AFM: variants seen among roughly 807,000 people sequenced by gnomAD.
The protein encoded by AFM is alpha-Alb.
AFM carries 82 observed loss-of-function variants against 68.7 expected under a neutral mutation model. The observed-to-expected ratio is 1.19, with a 90% CI of 1.00 to 1.43. The LOEUF is 1.43. AFM is among the 40% of genes most tolerant of loss of function. The pLI, the probability that AFM is intolerant of heterozygous loss-of-function variation, is 0.00. For synonymous variants in AFM, 250 were observed against 234.2 expected (o/e 1.07, Z -0.61); for missense variants, 772 against 701.8 (o/e 1.10, Z -1.13).
intron 1 of AFM, among the ~76,000 whole-genome samples, chr4:73,483,187 A>G (rs940908013): frequency 6.6e-6 from 1 of 152,120 alleles, no homozygotes; most frequent in African/African-American, 2.4e-5. Context: ...TGCTCAACTC[A>G]TATCTCACTC....
At chr4:73,497,626 G>T (rs1721293258) in intron 9 of AFM, 26 bp from the exon 10 acceptor site, 1 of 1,447,560 alleles carries the variant, frequency 6.9e-7, no homozygotes, top group African/African-American at 1.4e-5. Flanking sequence ...TAAAATGTTT[G>T]TAACCATGAT....
chr4:73,484,236 T>C, intron 2 of AFM, 22 bp from the exon 3 acceptor site: 1 of 1,595,878 alleles, frequency 6.3e-7, no homozygotes, highest in Non-Finnish European at 8.5e-7. Flanking sequence ...GATCTTTGTA[T>C]ACCCCATGTG....
chr4:73,484,470 CT>C, intron 3 of AFM, 80 bp downstream of exon 3: 1 of 551,556 alleles, frequency 1.8e-6, no homozygotes, highest in Non-Finnish European at 3.0e-6. Flanking sequence ...TTCTTTCTTT[CT>C]TTCTTTCTTT....
At chr4:73,484,986 G>T (rs1210924498) in intron 3 of AFM, among the ~76,000 whole-genome samples, 1 of 152,182 alleles carries the variant, frequency 6.6e-6, no homozygotes, top group Non-Finnish European at 1.5e-5. Context: ...CCTTGGAAAA[G>T]ATACTAATTC....
In AFM at chr4:73,488,737, T is replaced by C. The variant is rs143919745; in HGVS notation, c.821T>C (p.Val274Ala). The part of the protein sequence containing the change: ...SNYDGCCEGD[V>A]VQCIRDTSKV... ...TATGATGGATGCTGTGAAGGGGATG[T>C]TGTGCAGTGCATCCGTGACACGGTG... The change falls in exon 7 of 15, where the codon GTT becomes GCT. Residue 274 changes from valine to alanine, a missense_variant. By Grantham distance (64) the Val-to-Ala change is moderately conservative. Coordinates refer to ENST00000226355, the MANE Select transcript of AFM (RefSeq NM_001133.2). 6.2e-7 allele frequency: 1 copy of C among 1,612,764 alleles called. No homozygotes were observed. Among genetic ancestry groups the C allele is most frequent in the Non-Finnish European group, 8.5e-7 (1 of 1,179,432 alleles).
intron 1 of AFM, among the ~76,000 whole-genome samples, chr4:73,483,667 G>T (rs1006192496): frequency 2.0e-5 from 3 of 152,076 alleles, no homozygotes; most frequent in African/African-American, 4.8e-5. Context: ...TCTATCTGGG[G>T]AGCCATCAAT....
chr4:73,494,160 G>A (rs777948549), intron 8 of AFM, among the ~76,000 whole-genome samples: 1 of 151,760 alleles, frequency 6.6e-6, no homozygotes, highest in East Asian at 1.9e-4. Context: ...TTCTCTGAAC[G>A]TTAAGCACTA....
At chr4:73,491,283 C>A (rs377092092) in intron 7 of AFM, among the ~76,000 whole-genome samples, 1 of 152,138 alleles carries the variant, frequency 6.6e-6, no homozygotes, top group African/African-American at 2.4e-5. Context: ...TATTTGCTAA[C>A]CTGAACAGCT....
intron 10 of AFM, among the ~76,000 whole-genome samples, chr4:73,498,437 C>T (rs1199500479): frequency 6.6e-6 from 1 of 152,128 alleles, no homozygotes; most frequent in Non-Finnish European, 1.5e-5. Flanking sequence ...AGACGTGAGC[C>T]ACCATCCCTG....
At chr4:73,487,905 T>C (rs1490392723) in intron 6 of AFM, 84 bp downstream of exon 6, 3 of 950,070 alleles carry the variant, frequency 3.2e-6, no homozygotes, top group Non-Finnish European at 5.0e-6. Flanking sequence ...TAACTTTTTA[T>C]TTATATTCTT....
intron 14 of AFM, 57 bp downstream of exon 14, chr4:73,503,167 T>G: frequency 2.3e-6 from 3 of 1,325,706 alleles, no homozygotes; most frequent in Non-Finnish European, 3.2e-6. Context: ...TCTGATCTCC[T>G]TGCCTTTTCT....
chr4:73,487,897 A>T, intron 6 of AFM, 76 bp downstream of exon 6: 1 of 1,046,002 alleles, frequency 9.6e-7, no homozygotes, highest in South Asian at 1.3e-5. Context: ...ATGGTTGATA[A>T]CTTTTTATTT....
At chr4:73,486,538 T>C (rs983378385) in intron 4 of AFM, among the ~76,000 whole-genome samples, 29 of 152,160 alleles carry the variant, frequency 1.9e-4, no homozygotes, top group African/African-American at 7.0e-4. Flanking sequence ...CAAATTTATC[T>C]GAAAAAAAGT....
chr4:73,496,563 G>T (rs958333614), intron 9 of AFM, among the ~76,000 whole-genome samples: 9 of 152,092 alleles, frequency 5.9e-5, no homozygotes, highest in African/African-American at 2.2e-4. Flanking sequence ...AACAGTGCTT[G>T]GAAATGCTCA....
intron 6 of AFM, 132 bp downstream of exon 6, chr4:73,487,953 C>T: frequency 3.3e-6 from 2 of 603,124 alleles, no homozygotes; most frequent in Non-Finnish European, 5.8e-6. Flanking sequence ...TCTGAGCCTA[C>T]TTAGACAGCT....
chr4:73,492,060 T>A lies in AFM; in HGVS notation c.1032T>A (p.Asp344Glu), dbSNP rs756448038. The A allele has an allele frequency of 6.2e-6, 10 of 1,611,884 alleles. No individual in the cohort carries two copies. In the South Asian group the frequency reaches 1.1e-4, roughly 18 times the overall value. ...TDSENVCQERDADPDTFFAKF... is the reference protein window; with the variant it reads ...TDSENVCQEREADPDTFFAKF... ...GTGAAAATGTGTGTCAAGAACGAGA[T>A]GCTGACCCAGACACCTTCTTTGCGA... The change falls in exon 8 of 15, where the codon GAT becomes GAA. Residue 344 changes from aspartate (D) to glutamate (E), a missense_variant. Asp to Glu is a conservative substitution (Grantham distance 45). Transcript: ENST00000226355.
chr4:73,498,250 A>G (rs1486729512), intron 10 of AFM, among the ~76,000 whole-genome samples: 1 of 151,706 alleles, frequency 6.6e-6, no homozygotes, highest in Non-Finnish European at 1.5e-5. Flanking sequence ...TTATTATGTC[A>G]ATGTATTTTA....
rs1304977738 is a variant in AFM, at chr4:73,486,950, A to C, written c.483-17A>C. The C allele has an allele frequency of 2.5e-6, 4 of 1,583,346 alleles. No individual in the cohort carries two copies. Among genetic ancestry groups the C allele is most frequent in the Non-Finnish European group, 3.4e-6 (4 of 1,164,110 alleles). On this transcript the variant is annotated splice_polypyrimidine_tract_variant and intron_variant, in intron 4 of 14. Transcript: ENST00000226355. ...TTCCCTCACCCGTCTTCTCTCTTTC[A>C]TTTTTATTTTTTATAGCTTTTTATA... is the stretch of plus-strand genomic sequence containing the variant.
intron 10 of AFM, among the ~76,000 whole-genome samples, chr4:73,498,312 G>T (rs973299361): frequency 6.6e-6 from 1 of 151,534 alleles, no homozygotes; most frequent in East Asian, 1.9e-4. Context: ...TTTTGAGACA[G>T]GGTCTCTCTG....
Sources: gnomAD v4.1 joint callset for allele counts (sites outside exome capture counted in the v4.1 genomes callset) on GRCh38, gnomAD v4.1.1 for gene constraint, MANE v1.5 for transcripts, NCBI Gene and HGNC (gene_info 2026-07-23, HGNC 2026-07-21) for gene names.